Variants in LMO7 observed in about 807,000 individuals in gnomAD.
LMO7 encodes the protein LIM domain only protein 7.
A neutral mutation model predicts 206.5 loss-of-function variants in LMO7; 120 were observed. The ratio of observed to expected loss-of-function variants is 0.58; its 90% CI spans 0.50 to 0.68. The LOEUF (loss-of-function observed/expected upper bound fraction) is 0.68. Among genes scored for constraint, LMO7 ranks in the 30% least tolerant of loss-of-function variants. LMO7 has a pLI of 0.00. For missense variants in LMO7, 1,959 were observed against 1,957.9 expected (o/e 1.00, Z -0.01); for synonymous variants, 706 against 681.5 (o/e 1.04, Z -0.56).
chr13:75,776,143 ATGCCATG>A (rs1378090209), intron 4 of LMO7, among the ~76,000 whole-genome samples: 2 of 89,856 alleles, frequency 2.2e-5, no homozygotes, highest in East Asian at 7.2e-4. Flanking sequence ...ATATATATAT[ATGCCATG>A]TATATATATC....
At position 75,816,140 on chromosome 13, in the gene LMO7, C is replaced by G. The variant is rs149983345; in HGVS notation, c.1947-1021C>G. ...TGGGAATAGTTTAGAAATTACAATT[C>G]CATGAGCTAGCTAAGCTAGGAATTC... On this transcript the variant is annotated intron_variant, in intron 11 of 30. Coordinates refer to ENST00000377534, the MANE Select transcript of LMO7 (RefSeq NM_001306080.2). Among the ~76,000 whole-genome samples, 14 of 152,320 alleles carry G rather than the reference C, an allele frequency of 9.2e-5. 1 individual carries two copies. The highest frequency in any genetic ancestry group is 2.6e-4 in the Admixed American group (4 of 15,298).
chr13:75,707,388 C>T (rs1292400614), intron 1 of LMO7, among the ~76,000 whole-genome samples: 1 of 151,858 alleles, frequency 6.6e-6, no homozygotes, highest in Non-Finnish European at 1.5e-5. Context: ...AGTAATAAAT[C>T]CACTTTTATG....
intron 2 of LMO7, among the ~76,000 whole-genome samples, chr13:75,717,651 C>T (rs549834288): frequency 3.9e-5 from 6 of 152,162 alleles, no homozygotes; most frequent in East Asian, 3.9e-4. Context: ...TTTTAAGGCA[C>T]GGGGTAAGAT....
intron 14 of LMO7, among the ~76,000 whole-genome samples, chr13:75,823,027 A>G (rs906241067): frequency 6.6e-6 from 1 of 152,006 alleles, no homozygotes; most frequent in African/African-American, 2.4e-5. Flanking sequence ...TTCAGCAAGT[A>G]AAGGGACTGG....
rs554993207 is a variant in LMO7, at chr13:75,713,057, T to C, written c.70-125T>C. On this transcript the variant is annotated intron_variant, in intron 1 of 30. Transcript: ENST00000377534. ...CCTATAAGGAACAGATTATAGGATA[T>C]AACAGTCTATATATGCAAATCCTTC... The C allele has an allele frequency of 6.6e-6, 4 of 609,844 alleles. No homozygotes were observed. In the Admixed American group the frequency reaches 9.0e-5, roughly 14 times the overall value. The allele number at this position is 609,844 out of a possible 1,614,324, so 37.8% of individuals were successfully genotyped here. A position where few individuals can be genotyped will look rare whatever the true frequency, so the allele number is the denominator to read the frequency against.
chr13:75,679,470 C>G (rs1178613805), intron 1 of LMO7, among the ~76,000 whole-genome samples: 1 of 152,204 alleles, frequency 6.6e-6, no homozygotes, highest in Non-Finnish European at 1.5e-5. Flanking sequence ...CATGATAATG[C>G]TGCATAACAT....
intron 1 of LMO7, among the ~76,000 whole-genome samples, chr13:75,650,167 G>T (rs553237361): frequency 6.6e-6 from 1 of 151,348 alleles, no homozygotes; most frequent in African/African-American, 2.4e-5. Flanking sequence ...GTCTCGCTCT[G>T]TCGCCAGGTT....
At chr13:75,834,092 A>G (rs968821267) in intron 16 of LMO7, 134 bp from the exon 17 acceptor site, 7 of 623,980 alleles carry the variant, frequency 1.1e-5, no homozygotes, top group Non-Finnish European at 1.6e-5. Flanking sequence ...ATTAAAAAAA[A>G]TAGTGACCTC....
intron 2 of LMO7, among the ~76,000 whole-genome samples, chr13:75,720,711 T>C (rs1487557418): frequency 1.3e-5 from 2 of 152,204 alleles, no homozygotes; most frequent in African/African-American, 4.8e-5. Flanking sequence ...TAAAGTTCCA[T>C]CATAAGAAAG....
intron 3 of LMO7, among the ~76,000 whole-genome samples, chr13:75,752,139 T>C (rs928806649): frequency 2.0e-5 from 3 of 152,086 alleles, no homozygotes; most frequent in African/African-American, 7.2e-5. Flanking sequence ...TTTATTTTAT[T>C]ATTATTATTT....
intron 18 of LMO7, among the ~76,000 whole-genome samples, chr13:75,835,867 G>A (rs1451014528): frequency 6.6e-6 from 1 of 152,052 alleles, no homozygotes; most frequent in Non-Finnish European, 1.5e-5. Flanking sequence ...AAGTATCAAA[G>A]CAATACTTTT....
At chr13:75,801,263 T>C (rs1321186970) in intron 7 of LMO7, among the ~76,000 whole-genome samples, 1 of 152,032 alleles carries the variant, frequency 6.6e-6, no homozygotes, top group Non-Finnish European at 1.5e-5. Context: ...TCTTCTAGTT[T>C]CTGAGTAACT....
intron 1 of LMO7, among the ~76,000 whole-genome samples, chr13:75,649,303 G>A (rs1287122417): frequency 6.6e-6 from 1 of 152,178 alleles, no homozygotes; most frequent in Admixed American, 6.5e-5. Context: ...TTGAACTTTG[G>A]AAAATGTCTT....
intron 6 of LMO7, among the ~76,000 whole-genome samples, chr13:75,799,170 C>G (rs1318656336): frequency 6.6e-6 from 1 of 152,136 alleles, no homozygotes; most frequent in African/African-American, 2.4e-5. Context: ...TTTATTGGTG[C>G]TCCAGACACT....
intron 3 of LMO7, among the ~76,000 whole-genome samples, chr13:75,730,320 T>G (rs1453151292): frequency 6.6e-6 from 1 of 152,254 alleles, no homozygotes; most frequent in East Asian, 1.9e-4. Flanking sequence ...GTTATTGGTC[T>G]GTTCAGAGAT....
intron 1 of LMO7, among the ~76,000 whole-genome samples, chr13:75,650,188 G>A (rs934337980): frequency 4.0e-5 from 6 of 151,578 alleles, no homozygotes; most frequent in African/African-American, 1.5e-4. Flanking sequence ...GGAGTGCAGT[G>A]GCGTGAGCTA....
At chr13:75,625,201 A>G (rs1211535080) in intron 2 of LMO7, among the ~76,000 whole-genome samples, 1 of 152,238 alleles carries the variant, frequency 6.6e-6, no homozygotes, top group Non-Finnish European at 1.5e-5. Flanking sequence ...CTCTAAGGCA[A>G]ATATGTCTAG....
Position 75,841,922 on chromosome 13 carries a change from G to C in LMO7, c.3970G>C (p.Glu1324Gln). The part of the protein sequence containing the change: ...EAEEQKRPAE[E>Q]QKRQAEIERE... ...TGAGGAGCAGAAGCGTCCTGCGGAG[G>C]AGCAGAAGCGCCAGGCAGAGATAGA... is the stretch of plus-strand genomic sequence containing the variant. The change falls in exon 24 of 31, where the codon GAG becomes CAG. Residue 1324 changes from glutamate to glutamine, a missense_variant. Glu to Gln is a conservative substitution (Grantham distance 29). Transcript: ENST00000377534. 6.2e-7 allele frequency: 1 copy of C among 1,613,418 alleles called. No individual in the cohort carries two copies. Among genetic ancestry groups the C allele is most frequent in the Non-Finnish European group, 8.5e-7 (1 of 1,179,878 alleles).
intron 1 of LMO7, among the ~76,000 whole-genome samples, chr13:75,711,802 G>T (rs1437432516): frequency 6.6e-6 from 1 of 152,234 alleles, no homozygotes; most frequent in East Asian, 1.9e-4. Flanking sequence ...TGGAAGAGCT[G>T]CCTGCCTTCA....
Sources: allele counts gnomAD v4.1 joint callset (sites outside exome capture counted in the v4.1 genomes callset), GRCh38; gene constraint gnomAD v4.1.1; transcripts MANE v1.5; gene names NCBI Gene and HGNC (gene_info 2026-07-23, HGNC 2026-07-21).